NDEL1: variants seen among roughly 807,000 people sequenced by gnomAD.
NDEL1 encodes the protein nuclear distribution protein nudE-like 1.
In NDEL1, 9 loss-of-function variants were observed where a neutral mutation model predicts 45.7. The ratio of observed to expected loss-of-function variants is 0.20; its 90% CI spans 0.12 to 0.34. NDEL1 has a LOEUF of 0.34. NDEL1 is among the 10% of genes least tolerant of loss of function. The pLI is 1.00. For synonymous variants in NDEL1, 133 were observed against 158.6 expected, an observed-to-expected ratio of 0.84 and a Z score of 1.21; for missense variants, 306 against 406.2, an observed-to-expected ratio of 0.75 and a Z score of 2.12.
At chr17:8,450,571 A>G (rs927766597) in intron 5 of NDEL1, among the ~76,000 whole-genome samples, 1 of 152,226 alleles carries the variant, frequency 6.6e-6, no homozygotes, top group Non-Finnish European at 1.5e-5. Flanking sequence ...CTCTCAGGTT[A>G]TAGCATTTTT....
At chr17:8,463,258 AGGGC>A in intron 8 of NDEL1, 11 of 1,418,612 alleles carry the variant, frequency 7.8e-6, no homozygotes, top group Non-Finnish European at 9.9e-6. Flanking sequence ...GACTAATTTT[AGGGC>A]GTGATGTGGA....
intron 1 of NDEL1, among the ~76,000 whole-genome samples, chr17:8,420,389 A>AT (rs112849240): frequency 6.0e-4 from 92 of 152,304 alleles, no homozygotes; most frequent in African/African-American, 2.1e-3. Flanking sequence ...AATGATAGCT[A>AT]TTTTTTTAAA....
intron 5 of NDEL1, among the ~76,000 whole-genome samples, chr17:8,449,546 A>T (rs1910327107): frequency 6.6e-6 from 1 of 152,224 alleles, no homozygotes; most frequent in African/African-American, 2.4e-5. Context: ...TTGAATAGTG[A>T]CTACCCATTT....
chr17:8,429,185 A>G lies in NDEL1; in HGVS notation c.-12-15075A>G, dbSNP rs564225453. ...CCAGCGAAAATCTCTGTCTATGGTG[A>G]CTTTTTTCAGGATTTGGGGTATTTT... is the stretch of plus-strand genomic sequence containing the variant. On this transcript the variant is annotated intron_variant, in intron 1 of 4. Coordinates refer to the NDEL1 transcript ENST00000582812. Among the ~76,000 whole-genome samples, 37 of 152,224 alleles carry G rather than the reference A, an allele frequency of 2.4e-4. 1 individual carries two copies. The highest frequency in any genetic ancestry group is 6.5e-4 in the African/African-American group (27 of 41,530).
chr17:8,447,982 C>CGGGGGGGGGGGAGGGGGG (rs34891973), intron 4 of NDEL1, among the ~76,000 whole-genome samples: 7 of 107,714 alleles, frequency 6.5e-5, no homozygotes, highest in African/African-American at 1.1e-4. Context: ...GGGAGGTGGG[C>CGGGGGGGGGGGAGGGGGG]GGGGGGGGGG....
At chr17:8,450,422 C>T (rs1316400825) in intron 5 of NDEL1, among the ~76,000 whole-genome samples, 1 of 152,080 alleles carries the variant, frequency 6.6e-6, no homozygotes, top group African/African-American at 2.4e-5. Context: ...CAAAAATGCA[C>T]TTAGTTGATT....
Position 8,448,706 on chromosome 17 carries a change from G to T in NDEL1, c.526+20G>T. On this transcript the variant is annotated intron_variant, in intron 5 of 8. Transcript: ENST00000334527. ...CAAGAGGTAAAATTTATAACTTAAA[G>T]AATACAGTTGACCCTTGAACAACAT... 6.3e-7 allele frequency: 1 copy of T among 1,598,688 alleles called. No individual in the cohort carries two copies. The highest frequency in any genetic ancestry group is 1.1e-5 in the South Asian group (1 of 89,878).
chr17:8,436,013 CG>C lies in NDEL1; in HGVS notation c.-43del, dbSNP rs1909304837. On this transcript the variant is annotated 5_prime_UTR_variant, in exon 1 of 9. Coordinates refer to ENST00000334527, the MANE Select transcript of NDEL1 (RefSeq NM_030808.5). ...CGGCGGAGGGGAGACGTCGGTTGAG[CG>C]GCGGCGAACATGCGCTTTTGACACA... is the stretch of plus-strand genomic sequence containing the variant. 2 of 446,878 alleles carry C rather than the reference CG, an allele frequency of 4.5e-6. No homozygotes were observed. Among genetic ancestry groups the C allele is most frequent in the South Asian group, 3.1e-5 (2 of 63,804 alleles). 27.7% of individuals were successfully genotyped at this position (446,878 alleles called of 1,614,324 possible).
intron 1 of NDEL1, among the ~76,000 whole-genome samples, chr17:8,416,511 C>T (rs1295745301): frequency 6.6e-6 from 1 of 152,110 alleles, no homozygotes. Flanking sequence ...TGTTTTCAAG[C>T]TTCTAGTTTA....
intron 1 of NDEL1, among the ~76,000 whole-genome samples, chr17:8,420,493 A>C (rs1908680825): frequency 6.6e-6 from 1 of 152,246 alleles, no homozygotes; most frequent in African/African-American, 2.4e-5. Context: ...GTGGTTTCAA[A>C]GTTCAATTTG....
chr17:8,424,565 G>A (rs1277456292), intron 1 of NDEL1, among the ~76,000 whole-genome samples: 2 of 152,188 alleles, frequency 1.3e-5, no homozygotes, highest in African/African-American at 2.4e-5. Flanking sequence ...GCAGTGGCGC[G>A]ATCTCAGCTC....
intron 2 of NDEL1, chr17:8,444,756 G>A (rs73973131): frequency 2.6e-5 from 4 of 153,398 alleles, no homozygotes; most frequent in African/African-American, 9.6e-5. Context: ...AGCATGATCA[G>A]TGTCTGGAGC....
chr17:8,419,929 GA>G (rs1487835153), intron 1 of NDEL1, among the ~76,000 whole-genome samples: 1 of 152,144 alleles, frequency 6.6e-6, no homozygotes, highest in African/African-American at 2.4e-5. Context: ...GGAGAATAAA[GA>G]AGCAGATCAC....
downstream of NDEL1, among the ~76,000 whole-genome samples, chr17:8,470,490 C>A (rs1001077627): frequency 1.3e-5 from 2 of 152,158 alleles, no homozygotes; most frequent in Non-Finnish European, 2.9e-5. This position sits in a 1 kb window ranked among gnomAD's most constrained non-coding sequence, Gnocchi z 4.2. Context: ...CAGAAATGAT[C>A]CCTGACCAAC....
intron 1 of NDEL1, among the ~76,000 whole-genome samples, chr17:8,423,502 G>A (rs1028692393): frequency 2.6e-5 from 4 of 152,092 alleles, no homozygotes; most frequent in Admixed American, 1.3e-4. Flanking sequence ...TGACCAACAT[G>A]GCAAAACCCC....
intron 1 of NDEL1, among the ~76,000 whole-genome samples, chr17:8,439,525 A>T (rs1336593525): frequency 6.6e-6 from 1 of 151,666 alleles, no homozygotes; most frequent in Non-Finnish European, 1.5e-5. Context: ...AAGTGCTAGG[A>T]TTATAGGCAT....
chr17:8,444,613 A>G (rs1455507263), intron 2 of NDEL1: 1 of 329,694 alleles, frequency 3.0e-6, no homozygotes. Flanking sequence ...TACCTGTTCT[A>G]TGCTTTTTAG....
At chr17:8,444,031 G>A (rs1342467281) in intron 1 of NDEL1, 13 of 354,678 alleles carry the variant, frequency 3.7e-5, no homozygotes, top group East Asian at 3.0e-4. Flanking sequence ...GCCTCCTGTC[G>A]CTTTGTATCA....
chr17:8,418,906 T>A (rs1908637502), intron 1 of NDEL1, among the ~76,000 whole-genome samples: 2 of 151,970 alleles, frequency 1.3e-5, no homozygotes, highest in South Asian at 4.1e-4. Flanking sequence ...TGGAGTGCAG[T>A]GGTGTGATCA....
Sources: allele counts gnomAD v4.1 joint callset (sites outside exome capture counted in the v4.1 genomes callset), GRCh38; gene constraint gnomAD v4.1.1; non-coding constraint Gnocchi (gnomAD v3.1); transcripts MANE v1.5; gene names NCBI Gene and HGNC (gene_info 2026-07-23, HGNC 2026-07-21).